Variants in RASEF observed in about 807,000 individuals in gnomAD.
RASEF encodes the protein RAS and EF-hand domain containing.
RASEF carries 68 observed loss-of-function variants against 90.1 expected under a neutral mutation model. That is an observed-to-expected ratio of 0.75 (90% CI 0.62 to 0.92). RASEF has a LOEUF of 0.92. RASEF is among the 40% of genes least tolerant of loss of function. The pLI is 0.00. For missense variants in RASEF, 949 were observed against 937.2 expected, an observed-to-expected ratio of 1.01 and a Z score of -0.16; for synonymous variants, 331 against 345.2, an observed-to-expected ratio of 0.96 and a Z score of 0.46.
chr9:83,164,347 G>GTGTGTGTATA, the RASEF span, among the ~76,000 whole-genome samples: 29 of 129,976 alleles, frequency 2.2e-4, no homozygotes, highest in Admixed American at 4.0e-4. Flanking sequence ...GTATATGTGT[G>GTGTGTGTATA]TATATATATA....
chr9:83,160,549 A>G, the RASEF span, among the ~76,000 whole-genome samples: 1 of 152,180 alleles, frequency 6.6e-6, no homozygotes, highest in South Asian at 2.1e-4. Context: ...TTTGTAAGAG[A>G]GGCAGAACGT....
chr9:83,019,270 T>A (rs1338544570), intron 3 of RASEF, among the ~76,000 whole-genome samples: 2 of 152,136 alleles, frequency 1.3e-5, no homozygotes, highest in Non-Finnish European at 1.5e-5. Flanking sequence ...TAGTAATTTT[T>A]TAAAAAAAAC....
the RASEF span, among the ~76,000 whole-genome samples, chr9:83,165,041 G>T: frequency 6.6e-6 from 1 of 151,912 alleles, no homozygotes; most frequent in Non-Finnish European, 1.5e-5. Context: ...AAAAATAAAT[G>T]AATCCATTAT....
chr9:83,127,571 G>A, the RASEF span, among the ~76,000 whole-genome samples: 1 of 152,218 alleles, frequency 6.6e-6, no homozygotes, highest in Non-Finnish European at 1.5e-5. Context: ...AAAGTGTCAT[G>A]TAGGCGCTGC....
At chr9:83,153,809 G>A in the RASEF span, among the ~76,000 whole-genome samples, 1 of 152,316 alleles carries the variant, frequency 6.6e-6, no homozygotes, top group Non-Finnish European at 1.5e-5. Context: ...AGGACTGTGT[G>A]GCACGTTCCC....
At chr9:83,086,976 T>C in the RASEF span, among the ~76,000 whole-genome samples, 11 of 151,736 alleles carry the variant, frequency 7.2e-5, no homozygotes, top group Admixed American at 2.6e-4. Context: ...ATCCCAGGAG[T>C]TGGGGATCAT....
chr9:83,207,339 G>A, the RASEF span, among the ~76,000 whole-genome samples: 1 of 152,170 alleles, frequency 6.6e-6, no homozygotes, highest in East Asian at 1.9e-4. Flanking sequence ...TTATTTCCTT[G>A]GGTCTCCGCT....
intron 1 of RASEF, 52 bp downstream of exon 1, chr9:83,062,385 A>C (rs1395097464): frequency 5.1e-6 from 8 of 1,580,712 alleles, no homozygotes; most frequent in East Asian, 2.3e-5. Context: ...AAGTGGGAAG[A>C]AGCAAGCAGG....
intron 1 of RASEF, chr9:83,055,577 T>C (rs750581137): frequency 7.0e-6 from 5 of 711,428 alleles, no homozygotes; most frequent in East Asian, 5.4e-5. Flanking sequence ...CCCTCCTCGA[T>C]TGTCCAAAGT....
At chr9:83,142,660 G>A in the RASEF span, among the ~76,000 whole-genome samples, 2 of 152,182 alleles carry the variant, frequency 1.3e-5, no homozygotes, top group African/African-American at 4.8e-5. Flanking sequence ...GAGTGGTGAG[G>A]ACTGCAGCAA....
the RASEF span, among the ~76,000 whole-genome samples, chr9:83,080,315 T>C: frequency 1.3e-5 from 2 of 152,254 alleles, no homozygotes; most frequent in African/African-American, 4.8e-5. Flanking sequence ...GCATCACAGA[T>C]GGTAAGAATG....
the RASEF span, among the ~76,000 whole-genome samples, chr9:83,175,801 T>C: frequency 0.88 from 134,519 of 152,020 alleles, 59,784 homozygotes; most frequent in African/African-American, 0.97. Flanking sequence ...AGGATGGTCT[T>C]GATCTCCTGA....
At chr9:83,075,538 T>G in the RASEF span, among the ~76,000 whole-genome samples, 6,559 of 152,210 alleles carry the variant, frequency 0.043, 283 homozygotes, top group African/African-American at 0.11. Flanking sequence ...ACACACCTTT[T>G]TCCCAAGCTA....
chr9:83,020,167 A>G (rs1348097031), intron 3 of RASEF, among the ~76,000 whole-genome samples: 1 of 152,246 alleles, frequency 6.6e-6, no homozygotes, highest in South Asian at 2.1e-4. Flanking sequence ...CATAGGAGTC[A>G]AGGACAGGAA....
In RASEF at chr9:83,063,134, C is replaced by T. The variant is rs1830248450; in HGVS notation, c.-267G>A. ...CTCCAGGCACCGCCAAGGAGCGCCT[C>T]CTGCGACTGAGCGCCCAAGCGCCGA... On this transcript the variant is annotated 5_prime_UTR_variant, in exon 1 of 17. Coordinates refer to ENST00000376447, the MANE Select transcript of RASEF (RefSeq NM_152573.4). 2 of 436,908 alleles carry T rather than the reference C, an allele frequency of 4.6e-6. No homozygotes were observed. Among genetic ancestry groups the T allele is most frequent in the African/African-American group, 4.1e-5 (2 of 48,378 alleles). 27.1% of individuals were successfully genotyped at this position (436,908 alleles called of 1,614,324 possible). A position where few individuals can be genotyped will look rare whatever the true frequency, so the allele number is the denominator to read the frequency against.
chr9:82,998,863 T>G (rs903613610), intron 12 of RASEF, among the ~76,000 whole-genome samples: 1 of 152,144 alleles, frequency 6.6e-6, no homozygotes, highest in African/African-American at 2.4e-5. Context: ...TATGCATGTA[T>G]GTATATGTAT....
chr9:83,185,918 C>T, the RASEF span, among the ~76,000 whole-genome samples: 16 of 152,144 alleles, frequency 1.1e-4, no homozygotes, highest in East Asian at 5.8e-4. Context: ...GCAGCCACCA[C>T]GGGAGATTGC....
chr9:83,158,672 A>ATTTATGTACATATACATATATGTATATG, the RASEF span, among the ~76,000 whole-genome samples: 42 of 146,242 alleles, frequency 2.9e-4, no homozygotes, highest in African/African-American at 9.9e-4. Context: ...ATATGTATAT[A>ATTTATGTACATATACATATATGTATATG]TTTATGTACA....
chr9:83,206,787 C>T, the RASEF span, among the ~76,000 whole-genome samples: 8 of 152,186 alleles, frequency 5.3e-5, no homozygotes, highest in Non-Finnish European at 1.2e-4. Context: ...GACTTTTTTG[C>T]CCAGCTCTCA....
Sources: allele counts gnomAD v4.1 joint callset (sites outside exome capture counted in the v4.1 genomes callset), GRCh38; gene constraint gnomAD v4.1.1; transcripts MANE v1.5; gene names NCBI Gene and HGNC (gene_info 2026-07-23, HGNC 2026-07-21).